The following BRD8 variants were observed in gnomAD, a reference collection of about 807,000 sequenced individuals.
The protein encoded by BRD8 is bromodomain-containing protein 8.
A neutral mutation model predicts 143.1 loss-of-function variants in BRD8; 67 were observed. The ratio of observed to expected loss-of-function variants is 0.47; its 90% CI spans 0.38 to 0.57. The LOEUF is 0.57. Ranked by LOEUF, BRD8 falls within the 20% of genes least tolerant of loss-of-function variation. BRD8 has a pLI of 0.00. For synonymous variants in BRD8, 505 were observed against 517.1 expected (o/e 0.98, Z 0.32); for missense variants, 1,103 against 1,503.0 (o/e 0.73, Z 4.40).
At chr5:138,152,877 A>G in intron 20 of BRD8, 117 bp from the exon 21 acceptor site, 1 of 1,048,560 alleles carries the variant, frequency 9.5e-7, no homozygotes, top group East Asian at 2.5e-5. Flanking sequence ...GTATTCAAGT[A>G]TTCATCATTA....
At chr5:138,160,545 G>A (rs572797790) in intron 18 of BRD8, among the ~76,000 whole-genome samples, 1 of 152,176 alleles carries the variant, frequency 6.6e-6, no homozygotes, top group Admixed American at 6.5e-5. Flanking sequence ...ACAATCATAG[G>A]ATAAAAGCAG....
intron 15 of BRD8, 130 bp from the exon 16 acceptor site, chr5:138,162,276 G>T (rs919923525): frequency 1.2e-5 from 8 of 680,110 alleles, no homozygotes; most frequent in Non-Finnish European, 1.9e-5. Flanking sequence ...CATGTTCATT[G>T]CACCCTCAAC....
chr5:138,163,054 A>AAGAAAGACGG (rs1678078814), intron 15 of BRD8, 76 bp downstream of exon 15: 2 of 1,347,216 alleles, frequency 1.5e-6, no homozygotes, highest in Admixed American at 1.8e-5. Flanking sequence ...AAAAGACAGG[A>AAGAAAGACGG]AGGAAGGAAG....
At chr5:138,149,586 A>T in intron 23 of BRD8, 54 bp downstream of exon 23, 1 of 1,388,754 alleles carries the variant, frequency 7.2e-7, no homozygotes, top group Non-Finnish European at 9.5e-7. Flanking sequence ...TGATTCAAAT[A>T]GGCATAAACA....
At chr5:138,140,925 G>A in intron 25 of BRD8, 43 bp from the exon 26 acceptor site, 1 of 1,598,074 alleles carries the variant, frequency 6.3e-7, no homozygotes, top group South Asian at 1.1e-5. Flanking sequence ...AAACCTTCAT[G>A]TGGAACATAT....
In BRD8 at chr5:138,163,285, C is replaced by A. The variant is rs1311347459; in HGVS notation, c.1932G>T (p.Glu644Asp). ...DGVSEAASLEEPKEEDQGEGY... is the reference protein window; with the variant it reads ...DGVSEAASLEDPKEEDQGEGY... ...CTTCTCCTTGATCCTCTTCCTTAGG[C>A]TCCTCTAGGCTGGCCGCTTCACTGA... The change falls in exon 15 of 27, where the codon GAG (glutamate) becomes GAT (aspartate). Residue 644 changes from glutamate (E) to aspartate (D), a missense_variant. Coordinates refer to ENST00000254900, the MANE Select transcript of BRD8 (RefSeq NM_139199.2). The A allele has an allele frequency of 6.2e-7, 1 of 1,614,044 alleles. No homozygotes were observed. The highest frequency in any genetic ancestry group is 1.3e-5 in the African/African-American group (1 of 74,926).
chr5:138,175,677 A>G (rs974686081), intron 2 of BRD8, among the ~76,000 whole-genome samples: 1 of 144,470 alleles, frequency 6.9e-6, no homozygotes, highest in Non-Finnish European at 1.5e-5. Context: ...TCGTCTCTAC[A>G]AAAACATAAA....
intron 25 of BRD8, among the ~76,000 whole-genome samples, chr5:138,143,282 T>C (rs1200597153): frequency 6.6e-6 from 1 of 151,910 alleles, no homozygotes; most frequent in Non-Finnish European, 1.5e-5. Flanking sequence ...GAGACCTGTC[T>C]CAAAAAATAA....
rs1401145138 is a variant in BRD8 at position 138,171,149 on chromosome 5, C to T, written c.248G>A (p.Gly83Asp). The change falls in exon 5 of 27, where the codon GGT (glycine) becomes GAT (aspartate). Residue 83 changes from glycine (G) to aspartate (D), a missense_variant. Gly to Asp is a moderately conservative substitution (Grantham distance 94). Around this residue, in one of 7 missense-constraint regions of BRD8, gnomAD observed 69 missense variants for 121.6 expected, o/e 0.57. Coordinates refer to ENST00000254900, the MANE Select transcript of BRD8 (RefSeq NM_139199.2). ...AGTTTCCACCACTTCTCCCTTTTCA[C>T]CTCGTTTCCGTCTGTGGAAAATTGA... ...ETTETPKRKR[G>D]EKGEVVETVE... 1 of 1,611,706 alleles carries T rather than the reference C, an allele frequency of 6.2e-7. No individual in the cohort carries two copies. The highest frequency in any genetic ancestry group is 1.3e-5 in the African/African-American group (1 of 74,734).
chr5:138,140,514 T>C, intron 26 of BRD8, 191 bp downstream of exon 26: 1 of 658,032 alleles, frequency 1.5e-6, no homozygotes. Context: ...ATTCCTAGAC[T>C]ACTTCACTAT....
chr5:138,174,228 A>T (rs893193834), intron 2 of BRD8, among the ~76,000 whole-genome samples: 1 of 152,012 alleles, frequency 6.6e-6, no homozygotes, highest in Non-Finnish European at 1.5e-5. Context: ...AATGGATACT[A>T]TAATAATTAC....
At chr5:138,173,790 C>G (rs1196269694) in intron 2 of BRD8, among the ~76,000 whole-genome samples, 1 of 152,200 alleles carries the variant, frequency 6.6e-6, no homozygotes, top group Non-Finnish European at 1.5e-5. Context: ...TCAAGCCATC[C>G]TCACACCTCA....
At chr5:138,154,721 ACTATTAGAC>A (rs1752507471) in intron 20 of BRD8, among the ~76,000 whole-genome samples, 2 of 152,116 alleles carry the variant, frequency 1.3e-5, no homozygotes, top group Admixed American at 1.3e-4. Context: ...GAAGACTTTG[ACTATTAGAC>A]CAGGCTCCAG....
At chr5:138,149,538 C>T in intron 23 of BRD8, 102 bp downstream of exon 23, 2 of 1,068,730 alleles carry the variant, frequency 1.9e-6, no homozygotes, top group Admixed American at 6.5e-5. Context: ...TGTTTTCCAA[C>T]TCTAATTTTC....
chr5:138,177,679 AG>A lies in BRD8; in HGVS notation c.20-13del. On this transcript the variant is annotated splice_polypyrimidine_tract_variant and intron_variant, in intron 1 of 26. Coordinates refer to ENST00000254900, the MANE Select transcript of BRD8 (RefSeq NM_139199.2). ...TAGCAGCTTGTGTTCTGGGAAAGGG[AG>A]AAAAAAAAAAAAGCCTTGGAAACAA... 5 of 1,440,366 alleles carry A rather than the reference AG, an allele frequency of 3.5e-6. No homozygotes were observed. The highest frequency in any genetic ancestry group is 1.2e-5 in the South Asian group (1 of 83,200). The allele number at this position is 1,440,366 out of a possible 1,614,324, so 89.2% of individuals were successfully genotyped here. A position where few individuals can be genotyped will look rare whatever the true frequency, so the allele number is the denominator to read the frequency against.
At position 138,164,977 on chromosome 5, in the gene BRD8, T is replaced by C; in HGVS notation, c.1468A>G (p.Thr490Ala). ...AGTTCATGTATTCCCTTGTTTTCCGTTTCCTCAAAGTCCAGTCTCTCTTGC... is the reference window on the plus strand; with the variant it reads ...AGTTCATGTATTCCCTTGTTTTCCGCTTCCTCAAAGTCCAGTCTCTCTTGC... ...VKQERLDFEE[T>A]ENKGIHELVD... Residue 490 changes from threonine (T) to alanine (A), a missense_variant, in exon 12 of 27, where the codon ACG (threonine) becomes GCG (alanine). Coordinates refer to ENST00000254900, the MANE Select transcript of BRD8 (RefSeq NM_139199.2). 1 of 1,614,182 alleles carries C rather than the reference T, an allele frequency of 6.2e-7. No individual in the cohort carries two copies. The highest frequency in any genetic ancestry group is 1.1e-5 in the South Asian group (1 of 91,082).
At chr5:138,170,708 T>C in intron 6 of BRD8, 124 bp downstream of exon 6, 1 of 937,472 alleles carries the variant, frequency 1.1e-6, no homozygotes, top group East Asian at 2.5e-5. Context: ...ACTTTGCAGC[T>C]TTCCCCTTCC....
chr5:138,166,160 A>G, intron 10 of BRD8, 52 bp from the exon 11 acceptor site: 1 of 1,345,852 alleles, frequency 7.4e-7, no homozygotes, highest in Non-Finnish European at 1.0e-6. Flanking sequence ...GTACAAAGCG[A>G]CCACCTTGAG....
intron 25 of BRD8, among the ~76,000 whole-genome samples, chr5:138,144,918 A>AAAAT (rs1554092109): frequency 1.1e-5 from 1 of 89,832 alleles, no homozygotes; most frequent in Admixed American, 1.5e-4. Flanking sequence ...AAAAAAAAAA[A>AAAAT]ATATATATAT....
Sources: gnomAD v4.1 joint callset for allele counts (sites outside exome capture counted in the v4.1 genomes callset) on GRCh38, gnomAD v4.1.1 for gene constraint, gnomAD v4.1.1 regional missense constraint, MANE v1.5 for transcripts, NCBI Gene and HGNC (gene_info 2026-07-23, HGNC 2026-07-21) for gene names.